The following PTPRA variants were observed in gnomAD, a reference collection of about 807,000 sequenced individuals.
PTPRA encodes receptor-type tyrosine-protein phosphatase alpha.
In PTPRA, 25 loss-of-function variants were observed where a neutral mutation model predicts 104.8. The observed-to-expected ratio is 0.24, with a 90% CI of 0.17 to 0.33. PTPRA has a LOEUF of 0.33. Among genes scored for constraint, PTPRA ranks in the 10% least tolerant of loss-of-function variants. PTPRA has a pLI of 1.00. For missense variants in PTPRA, 765 were observed against 1,015.3 expected (o/e 0.75, Z 3.35); for synonymous variants, 323 against 368.9 (o/e 0.88, Z 1.43).
chr20:3,028,214 C>CA (rs1242162525), intron 20 of PTPRA, among the ~76,000 whole-genome samples: 1 of 152,124 alleles, frequency 6.6e-6, no homozygotes, highest in Non-Finnish European at 1.5e-5. Flanking sequence ...CCCAGTGCCC[C>CA]AGGCAGGGCA....
intron 1 of PTPRA, among the ~76,000 whole-genome samples, chr20:2,875,602 A>G (rs2089668956): frequency 6.6e-6 from 1 of 152,162 alleles, no homozygotes; most frequent in South Asian, 2.1e-4. Context: ...ATATAAATAC[A>G]TCACAGGTGC....
chr20:2,905,690 C>CTTTTTTTTTTTTTT (rs11479039), intron 1 of PTPRA, among the ~76,000 whole-genome samples: 7 of 70,636 alleles, frequency 9.9e-5, no homozygotes, highest in East Asian at 4.2e-4. Context: ...TCATAAAATT[C>CTTTTTTTTTTTTTT]TTTTTTTTTT....
chr20:3,020,271 G>GT (rs1310434218), intron 13 of PTPRA, among the ~76,000 whole-genome samples: 6 of 151,664 alleles, frequency 4.0e-5, no homozygotes, highest in South Asian at 2.1e-4. Flanking sequence ...AATTTTTTGT[G>GT]TTTTTTTTAG....
intron 6 of PTPRA, 137 bp from the exon 7 acceptor site, chr20:2,986,628 T>C: frequency 1.3e-6 from 1 of 751,880 alleles, no homozygotes; most frequent in Non-Finnish European, 2.3e-6. Flanking sequence ...ACTCATACTT[T>C]CTTCTCTGTT....
rs776821674 is a variant in PTPRA, at chr20:3,007,353, C to A, written c.839C>A (p.Ser280Tyr). The change falls in exon 11 of 24, where the codon TCT becomes TAT. Residue 280 changes from serine (S) to tyrosine (Y), a missense_variant. Coordinates refer to ENST00000399903, the MANE Select transcript of PTPRA (RefSeq NM_001385305.1). The part of the protein sequence containing the change: ...RYVNILPYDH[S>Y]RVHLTPVEGV... ...TTGGTTTGTTTCCTAGATGACCACT[C>A]TAGAGTCCACCTGACACCGGTTGAA... is the stretch of plus-strand genomic sequence containing the variant. 4.0e-5 allele frequency: 65 copies of A among 1,613,710 alleles called. No individual in the cohort carries two copies. Among genetic ancestry groups the A allele is most frequent in the Non-Finnish European group, 5.4e-5 (64 of 1,179,748 alleles).
At chr20:2,971,699 GT>G (rs2062194604) in intron 5 of PTPRA, among the ~76,000 whole-genome samples, 1 of 152,106 alleles carries the variant, frequency 6.6e-6, no homozygotes, top group Non-Finnish European at 1.5e-5. Context: ...ATATTTTATT[GT>G]GTTCAGGATT....
At chr20:2,994,379 T>G (rs1192033744) in intron 9 of PTPRA, among the ~76,000 whole-genome samples, 1 of 152,170 alleles carries the variant, frequency 6.6e-6, no homozygotes, top group African/African-American at 2.4e-5. Context: ...ACTTTCCGTT[T>G]CCATTACTGG....
intron 2 of PTPRA, among the ~76,000 whole-genome samples, chr20:2,938,882 A>ATT: frequency 6.6e-6 from 1 of 152,080 alleles, no homozygotes; most frequent in East Asian, 1.9e-4. Flanking sequence ...TTATCTTGGT[A>ATT]TTGTCATCTG....
chr20:2,942,316 G>C (rs1434017065), intron 2 of PTPRA, among the ~76,000 whole-genome samples: 2 of 152,094 alleles, frequency 1.3e-5, no homozygotes, highest in Non-Finnish European at 2.9e-5. Flanking sequence ...AGGATTTTAA[G>C]ATTTTGCAGT....
At chr20:3,009,024 C>G (rs1487768213) in intron 11 of PTPRA, among the ~76,000 whole-genome samples, 1 of 152,078 alleles carries the variant, frequency 6.6e-6, no homozygotes. Context: ...AGGGCTGTTT[C>G]TTCCTCTGAG....
At chr20:2,920,399 C>G (rs138766861) in intron 1 of PTPRA, among the ~76,000 whole-genome samples, 2 of 152,274 alleles carry the variant, frequency 1.3e-5, no homozygotes, top group African/African-American at 2.4e-5. Flanking sequence ...CAAAACCAGA[C>G]AGACATTTCC....
chr20:3,030,569 C>T (rs1203540591), intron 20 of PTPRA, among the ~76,000 whole-genome samples: 3 of 151,766 alleles, frequency 2.0e-5, no homozygotes, highest in African/African-American at 4.8e-5. Context: ...CCATCCTCAC[C>T]TACAATATTA....
intron 13 of PTPRA, among the ~76,000 whole-genome samples, chr20:3,020,183 ACT>A (rs1017777481): frequency 3.3e-5 from 5 of 152,078 alleles, no homozygotes; most frequent in African/African-American, 7.3e-5. Flanking sequence ...ATCTCGGCTC[ACT>A]GCAAGCTCCG....
chr20:2,937,921 G>A (rs997104911), intron 2 of PTPRA, among the ~76,000 whole-genome samples: 1 of 152,098 alleles, frequency 6.6e-6, no homozygotes, highest in African/African-American at 2.4e-5. Context: ...TGAAAAATCT[G>A]TTGTCTTTCA....
chr20:2,993,645 A>G (rs2063280537), intron 9 of PTPRA, among the ~76,000 whole-genome samples: 1 of 152,264 alleles, frequency 6.6e-6, no homozygotes, highest in Non-Finnish European at 1.5e-5. Flanking sequence ...CTGGAAAAGT[A>G]ACTGCAAATC....
chr20:2,940,732 G>A (rs890033992), intron 2 of PTPRA, among the ~76,000 whole-genome samples: 7 of 152,270 alleles, frequency 4.6e-5, no homozygotes, highest in Middle Eastern at 6.8e-3. Context: ...AAATTTCAGC[G>A]TTTTATTAGA....
At chr20:3,034,335 G>C (rs2065692224) in intron 20 of PTPRA, among the ~76,000 whole-genome samples, 1 of 152,124 alleles carries the variant, frequency 6.6e-6, no homozygotes, top group Admixed American at 6.5e-5. Flanking sequence ...ATGTATTTCT[G>C]TCTGAGAGAT....
intron 2 of PTPRA, among the ~76,000 whole-genome samples, chr20:2,931,718 TTGTGTG>T (rs11469421): frequency 1.9e-4 from 29 of 149,594 alleles, no homozygotes; most frequent in African/African-American, 2.7e-4. Flanking sequence ...GGGTCTTGGC[TTGTGTG>T]TGTGTGTGTG....
At chr20:2,953,753 G>A (rs563469125) in intron 3 of PTPRA, among the ~76,000 whole-genome samples, 1 of 149,918 alleles carries the variant, frequency 6.7e-6, no homozygotes, top group African/African-American at 2.5e-5. Context: ...GACTACAGGC[G>A]CCCGCCACCA....
Sources: gnomAD v4.1 joint callset for allele counts (sites outside exome capture counted in the v4.1 genomes callset) on GRCh38, gnomAD v4.1.1 for gene constraint, MANE v1.5 for transcripts, NCBI Gene and HGNC (gene_info 2026-07-23, HGNC 2026-07-21) for gene names.